Variants in ATM observed in about 807,000 individuals in gnomAD.
ATM encodes ATM serine/threonine kinase.
Under a neutral mutation model 387.0 loss-of-function variants are expected in ATM, and 308 were observed. The ratio of observed to expected loss-of-function variants is 0.80; its 90% confidence interval spans 0.73 to 0.87. The LOEUF (loss-of-function observed/expected upper bound fraction) is 0.87, where lower values mean the gene tolerates loss of function less well. ATM is among the 40% of genes least tolerant of loss of function. The pLI is 0.00. For synonymous variants in ATM, 1,156 were observed against 1,187.3 expected (o/e 0.97, Z 0.54); for missense variants, 3,312 against 3,560.9 (o/e 0.93, Z 1.78).
chr11:108,225,133 T>C (rs762169518), intron 1 of ATM: 4 of 152,222 alleles, frequency 2.6e-5, no homozygotes, highest in African/African-American at 4.8e-5. Flanking sequence ...TGCCAAACCT[T>C]ATGGTTCTTT....
intron 60 of ATM, 116 bp downstream of exon 60, chr11:108,353,996 G>C: frequency 9.7e-7 from 1 of 1,029,032 alleles, no homozygotes; most frequent in Non-Finnish European, 1.5e-6. Context: ...TGGGAGGATT[G>C]TTTGAGCCCA....
intron 33 of ATM, 80 bp from the exon 34 acceptor site, chr11:108,299,634 T>A (rs1591701389): frequency 7.2e-7 from 1 of 1,392,652 alleles, no homozygotes; most frequent in East Asian, 2.3e-5. Context: ...AACAGCATTA[T>A]AGTTTTGAAA....
chr11:108,239,840 G>A (rs1393590480), intron 5 of ATM, among the ~76,000 whole-genome samples: 4 of 152,196 alleles, frequency 2.6e-5, no homozygotes, highest in African/African-American at 9.6e-5. Context: ...GGCCTTGAAA[G>A]TGCTGCATAA....
At chr11:108,319,815 T>TA (rs1189807634) in intron 43 of ATM, 139 bp from the exon 44 acceptor site, 2 of 653,616 alleles carry the variant, frequency 3.1e-6, no homozygotes, top group Non-Finnish European at 5.3e-6. Flanking sequence ...TTGTATTTCT[T>TA]ACCAAAAATT....
intron 5 of ATM, chr11:108,236,390 G>A (rs12285440): frequency 0.055 from 8,787 of 160,766 alleles, 812 homozygotes; most frequent in African/African-American, 0.2. Flanking sequence ...AAAAAATAGC[G>A]GAGGTAATGG....
At position 108,365,617 on chromosome 11, in the gene ATM, A is replaced by G. The variant is rs992458940; in HGVS notation, c.*109A>G. 4.5e-6 allele frequency: 6 copies of G among 1,348,022 alleles called. No homozygotes were observed. Among genetic ancestry groups the G allele is most frequent in the Admixed American group, 2.3e-5 (1 of 43,078 alleles). The allele number at this position is 1,348,022 out of a possible 1,614,324, so 83.5% of individuals were successfully genotyped here. A position where few individuals can be genotyped will look rare whatever the true frequency, so the allele number is the denominator to read the frequency against. On this transcript the variant is annotated 3_prime_UTR_variant, in exon 63 of 63. Coordinates refer to ENST00000675843, the MANE Select transcript of ATM (RefSeq NM_000051.4). Reference sequence around the variant, plus strand: ...GTAGGGATTAATATTTAAGTGAACTATTGTGGGTTTTTTTGAATGTTGGTT... The same window carrying G: ...GTAGGGATTAATATTTAAGTGAACTGTTGTGGGTTTTTTTGAATGTTGGTT...
At chr11:108,303,180 T>A in intron 36 of ATM, 151 bp downstream of exon 36, 2 of 870,684 alleles carry the variant, frequency 2.3e-6, no homozygotes, top group Non-Finnish European at 1.7e-6. Flanking sequence ...TAGTCATAAC[T>A]TTATGCATTA....
At chr11:108,267,799 A>G (rs1001673481) in intron 17 of ATM, among the ~76,000 whole-genome samples, 1 of 152,220 alleles carries the variant, frequency 6.6e-6, no homozygotes, top group African/African-American at 2.4e-5. Context: ...TGGAGGTTGC[A>G]GTGAGCCGAG....
At chr11:108,230,197 C>T (rs2135052565) in intron 4 of ATM, 1 of 152,410 alleles carries the variant, frequency 6.6e-6, no homozygotes, top group Non-Finnish European at 1.5e-5. Context: ...AGGCAGATCA[C>T]CTGAGGTCAG....
In ATM at chr11:108,249,093, T is replaced by C. The variant is rs1064793442; in HGVS notation, c.1226T>C (p.Leu409Pro). 1.2e-6 allele frequency: 2 copies of C among 1,614,004 alleles called. No homozygotes were observed. Among genetic ancestry groups the C allele is most frequent in the Non-Finnish European group, 1.7e-6 (2 of 1,179,974 alleles). Reference sequence around the variant, plus strand: ...CAGAAGTCACAGAATGATTTTGATCTTGTGCCTTGGTAAAGTGTTACCATT... The same window carrying C: ...CAGAAGTCACAGAATGATTTTGATCCTGTGCCTTGGTAAAGTGTTACCATT... ...HLQKSQNDFD[L>P]VPWLQIATQL... The change falls in exon 9 of 63, where the codon CTT becomes CCT. Residue 409 changes from leucine (L) to proline (P), a missense_variant. By Grantham distance (98) the Leu-to-Pro change is moderately conservative (BLOSUM62 -3). Coordinates refer to ENST00000675843, the MANE Select transcript of ATM (RefSeq NM_000051.4).
Position 108,259,194 on chromosome 11 carries a change from A to C in ATM, c.2466+119A>C, listed in dbSNP as rs528197015. 38 of 940,684 alleles carry C rather than the reference A, an allele frequency of 4.0e-5. No homozygotes were observed. In the African/African-American group the frequency reaches 5.2e-4, roughly 13 times the overall value. 58.3% of individuals were successfully genotyped at this position (940,684 alleles called of 1,614,324 possible). A position where few individuals can be genotyped will look rare whatever the true frequency, so the allele number is the denominator to read the frequency against. ...ACATATAGCTCTTAACATTTTTACA[A>C]ATGTGGAAATTAAGGCCAGGTGCGG... On this transcript the variant is annotated intron_variant, in intron 16 of 62. Transcript: ENST00000675843.
At position 108,254,059 on chromosome 11, in the gene ATM, G is replaced by T; in HGVS notation, c.2124+20G>T. 1 of 1,605,614 alleles carries T rather than the reference G, an allele frequency of 6.2e-7. No individual in the cohort carries two copies. Among genetic ancestry groups the T allele is most frequent in the Non-Finnish European group, 8.5e-7 (1 of 1,174,174 alleles). ...TCTGAGGTGAGATTTTTTAAAAAAA[G>T]AACTAAGCTTATATATGATTCAACT... On this transcript the variant is annotated intron_variant, in intron 13 of 62. Coordinates refer to ENST00000675843, the MANE Select transcript of ATM (RefSeq NM_000051.4).
intron 45 of ATM, among the ~76,000 whole-genome samples, chr11:108,323,398 G>GCAC (rs1186278246): frequency 2.1e-4 from 32 of 152,150 alleles, no homozygotes; most frequent in Admixed American, 2.0e-3. Context: ...AGGCAGGGAA[G>GCAC]GGTGTTGTGG....
chr11:108,224,117 C>T (rs2078623919), intron 1 of ATM: 1 of 152,130 alleles, frequency 6.6e-6, no homozygotes, highest in South Asian at 2.1e-4. Flanking sequence ...GTATATGGGT[C>T]CTTAAAGGGA....
chr11:108,251,018 A>T lies in ATM; in HGVS notation c.1553A>T (p.Glu518Val), dbSNP rs2080117672. 6.2e-7 allele frequency: 1 copy of T among 1,614,164 alleles called. No individual in the cohort carries two copies. Among genetic ancestry groups the T allele is most frequent in the Non-Finnish European group, 8.5e-7 (1 of 1,180,022 alleles). Residue 518 changes from glutamate to valine, a missense_variant, in exon 10 of 63, where the codon GAG becomes GTG. Transcript: ENST00000675843. ...LGAIIQGSLV[E>V]VDREFWKLFT... ...GCCATAATTCAGGGTAGTTTAGTTG[A>T]GGTTGACAGAGAATTCTGGAAGTTA... is the stretch of plus-strand genomic sequence containing the variant.
rs895190150 is a variant in ATM, at chr11:108,256,358, A to G, written c.2250+18A>G. 2.5e-6 allele frequency: 4 copies of G among 1,602,608 alleles called. No individual in the cohort carries two copies. The highest frequency in any genetic ancestry group is 3.4e-6 in the Non-Finnish European group (4 of 1,172,106). On this transcript the variant is annotated intron_variant, in intron 14 of 62. Coordinates refer to ENST00000675843, the MANE Select transcript of ATM (RefSeq NM_000051.4). Reference sequence around the variant, plus strand: ...AAGCCAAGGTAGGAGAATTTATACTAATAAAGTTTCGGATAAATTTGAATG... The same window carrying G: ...AAGCCAAGGTAGGAGAATTTATACTGATAAAGTTTCGGATAAATTTGAATG...
chr11:108,284,552 C>G (rs541218835), intron 26 of ATM, 79 bp downstream of exon 26: 2 of 1,546,722 alleles, frequency 1.3e-6, no homozygotes, highest in African/African-American at 2.7e-5. Context: ...GCTATTTATT[C>G]GATTTATTCG....
rs2091243577 is a variant in ATM, at chr11:108,365,389, A to T, written c.9052A>T (p.Lys3018Ter). ...RVLMRLQEKLKGVEEGTVLSV... is the reference protein window; with the variant it reads ...RVLMRLQEKL ...CTTAATGAGACTACAAGAGAAACTGAAAGGAGTGGAAGAAGGCACTGTGCT... is the reference window on the plus strand; with the variant it reads ...CTTAATGAGACTACAAGAGAAACTGTAAGGAGTGGAAGAAGGCACTGTGCT... The change falls in exon 63 of 63, where the codon AAA becomes TAA. Residue 3018 changes from lysine to a stop codon, truncating the protein, a stop_gained. Coordinates refer to ENST00000675843, the MANE Select transcript of ATM (RefSeq NM_000051.4). LOFTEE classifies it high-confidence loss of function. 1 of 1,614,200 alleles carries T rather than the reference A, an allele frequency of 6.2e-7. No individual in the cohort carries two copies. Among genetic ancestry groups the T allele is most frequent in the Non-Finnish European group, 8.5e-7 (1 of 1,180,030 alleles).
At chr11:108,317,304 G>GT (rs939856120) in intron 42 of ATM, 69 bp from the exon 43 acceptor site, 7 of 1,517,082 alleles carry the variant, frequency 4.6e-6, no homozygotes, top group East Asian at 2.3e-5. Context: ...TATCTTTGCT[G>GT]TTTTTTTCTC....
Sources: gnomAD v4.1 joint callset for allele counts (sites outside exome capture counted in the v4.1 genomes callset) on GRCh38, gnomAD v4.1.1 for gene constraint, MANE v1.5 for transcripts, NCBI Gene and HGNC (gene_info 2026-07-23, HGNC 2026-07-21) for gene names.